GLP1R: variants seen among roughly 807,000 people sequenced by gnomAD.
GLP1R encodes the protein glucagon like peptide 1 receptor.
In GLP1R, 32 loss-of-function variants were observed where a neutral mutation model predicts 68.4. The ratio of observed to expected loss-of-function variants is 0.47; its 90% confidence interval spans 0.35 to 0.63. GLP1R has a LOEUF of 0.63. Among genes scored for constraint, GLP1R ranks in the 20% least tolerant of loss-of-function variants. The pLI is 0.00. For missense variants in GLP1R, 502 were observed against 594.9 expected (o/e 0.84, Z 1.62); for synonymous variants, 263 against 244.4 (o/e 1.08, Z -0.71).
At position 39,089,129 on chromosome 6, in the gene GLP1R, G is replaced by A. The variant is rs10305531; in HGVS notation, c.*3056G>A. ...TTGTAATTTATACTGGTGAGAGGAG[G>A]GGAAGGATGTGCTTTCCTATTTTTA... On this transcript the variant is annotated 3_prime_UTR_variant, in exon 13 of 13. Coordinates refer to ENST00000373256, the MANE Select transcript of GLP1R (RefSeq NM_002062.5). This position sits in a 1 kb window ranked among gnomAD's most constrained non-coding sequence, Gnocchi z 4.1. 0.016 allele frequency among the ~76,000 whole-genome samples: 2,484 copies of A among 152,304 alleles called. 73 individuals carry two copies. The highest frequency in any genetic ancestry group is 0.056 in the African/African-American group (2,338 of 41,558).
rs1460723956 is a variant in GLP1R at position 39,087,128 on chromosome 6, G to C, written c.*1055G>C. 1 of 152,234 alleles carries C rather than the reference G, an allele frequency of 6.6e-6. No homozygotes were observed. The highest frequency in any genetic ancestry group is 2.4e-5 in the African/African-American group (1 of 41,452). 9.4% of individuals were successfully genotyped at this position (152,234 alleles called of 1,614,324 possible). A position where few individuals can be genotyped will look rare whatever the true frequency, so the allele number is the denominator to read the frequency against. ...AGCACCATGGAGGCAGGCTCCCCCT[G>C]CCTTTGAAATTCCCCCACTTGGGAG... On this transcript the variant is annotated 3_prime_UTR_variant, in exon 13 of 13. Transcript: ENST00000373256.
chr6:39,084,125 G>A (rs538752540), intron 12 of GLP1R, among the ~76,000 whole-genome samples: 4 of 152,012 alleles, frequency 2.6e-5, no homozygotes, highest in East Asian at 1.9e-4. Context: ...GTTAGGAGCC[G>A]GGCATTGGAA....
intron 12 of GLP1R, among the ~76,000 whole-genome samples, chr6:39,082,879 A>G (rs898463819): frequency 2.0e-5 from 3 of 150,986 alleles, no homozygotes; most frequent in Admixed American, 1.3e-4. Context: ...TCACTTCTCT[A>G]TCCTCTGACA....
At chr6:39,066,454 A>T (rs1768521355) in intron 5 of GLP1R, 151 bp downstream of exon 5, 2 of 583,164 alleles carry the variant, frequency 3.4e-6, no homozygotes, top group East Asian at 2.9e-5. Flanking sequence ...GTAGAATATG[A>T]GGTTGAAAAC....
Position 39,084,720 on chromosome 6 carries a change from G to A in GLP1R, c.1225-1186G>A, listed in dbSNP as rs879194857. On this transcript the variant is annotated intron_variant, in intron 12 of 12. Transcript: ENST00000373256. Reference sequence around the variant, plus strand: ...TCATGACGCTGCATGGGACACTGGCGTCATCCTGGCAGGCAGCCTCTGGGC... The same window carrying A: ...TCATGACGCTGCATGGGACACTGGCATCATCCTGGCAGGCAGCCTCTGGGC... Among the ~76,000 whole-genome samples, 6 of 152,192 alleles carry A rather than the reference G, an allele frequency of 3.9e-5. 1 individual carries two copies. The highest frequency in any genetic ancestry group is 3.3e-4 in the Admixed American group (5 of 15,274).
chr6:39,065,760 G>T lies in GLP1R; in HGVS notation c.333G>T (p.Leu111=). Residue 111 remains leucine, a synonymous_variant, in exon 4 of 13, where the codon CTG becomes CTT. Coordinates refer to ENST00000373256, the MANE Select transcript of GLP1R (RefSeq NM_002062.5). The stretch of plus-strand genomic sequence containing the variant: ...TCTGCACAGCTGAAGGCCTCTGGCT[G>T]CAGAAGGACAACTCCAGCCTGCCCT... The part of the protein sequence containing the change: ...YRFCTAEGLW[L]QKDNSSLPWR... The T allele has an allele frequency of 6.3e-7, 1 of 1,586,612 alleles. No individual in the cohort carries two copies. The highest frequency in any genetic ancestry group is 8.6e-7 in the Non-Finnish European group (1 of 1,166,220).
rs1405952011 is a variant in GLP1R, at chr6:39,088,371, C to G, written c.*2298C>G. ...AGCTTTCCTAAGCTAAATATGGCTC[C>G]AACAGGTCTGGGAACTATTGAATGC... On this transcript the variant is annotated 3_prime_UTR_variant, in exon 13 of 13. Coordinates refer to ENST00000373256, the MANE Select transcript of GLP1R (RefSeq NM_002062.5). Among the ~76,000 whole-genome samples, 1 of 152,118 alleles carries G rather than the reference C, an allele frequency of 6.6e-6. No homozygotes were observed. Among genetic ancestry groups the G allele is most frequent in the Non-Finnish European group, 1.5e-5 (1 of 68,044 alleles).
In GLP1R at chr6:39,065,053, C is replaced by T. The variant is rs142860724; in HGVS notation, c.284-658C>T. On this transcript the variant is annotated intron_variant, in intron 3 of 12. Coordinates refer to ENST00000373256, the MANE Select transcript of GLP1R (RefSeq NM_002062.5). ...GATCTCCAAAGGCCAAGGCTGCATA[C>T]GACCAAGAGGCCGTGTACTCCTTTT... Among the ~76,000 whole-genome samples the T allele has an allele frequency of 6.6e-3, 1,002 of 152,312 alleles. 5 individuals are homozygous for T. Among genetic ancestry groups the T allele is most frequent in the Non-Finnish European group, 8.1e-3 (550 of 68,032 alleles).
intron 12 of GLP1R, among the ~76,000 whole-genome samples, chr6:39,082,007 C>T (rs185037201): frequency 3.3e-5 from 5 of 152,324 alleles, no homozygotes; most frequent in African/African-American, 1.2e-4. Flanking sequence ...CCATTATCTC[C>T]AGATGCTCAG....
At position 39,073,642 on chromosome 6, in the gene GLP1R, C is replaced by T. The variant is rs200088657; in HGVS notation, c.696C>T (p.Leu232=). 1.5e-5 allele frequency: 24 copies of T among 1,613,844 alleles called. No individual in the cohort carries two copies. The highest frequency in any genetic ancestry group is 2.0e-5 in the Non-Finnish European group (24 of 1,179,884). The stretch of plus-strand genomic sequence containing the variant: ...TGAGCTGCCGCCTGGTGTTTCTGCT[C>T]ATGCAGTACTGTGTGGCGGCCAATT... ...DSLSCRLVFL[L]MQYCVAANYY... is the part of the protein sequence containing the mutation. The change falls in exon 7 of 13, where the codon CTC becomes CTT. Residue 232 remains leucine, a synonymous_variant. Coordinates refer to ENST00000373256, the MANE Select transcript of GLP1R (RefSeq NM_002062.5).
intron 5 of GLP1R, 113 bp downstream of exon 5, chr6:39,066,416 C>A: frequency 1.6e-6 from 1 of 630,994 alleles, no homozygotes; most frequent in South Asian, 1.9e-5. Flanking sequence ...TCGTCCTTCT[C>A]TCAAGAGCTC....
chr6:39,070,722 T>C (rs938095877), intron 5 of GLP1R, among the ~76,000 whole-genome samples: 2 of 152,240 alleles, frequency 1.3e-5, no homozygotes, highest in African/African-American at 4.8e-5. Context: ...TTTTTTTTCA[T>C]GATTTTTTCT....
At chr6:39,062,151 TC>T (rs1768371356) in intron 3 of GLP1R, among the ~76,000 whole-genome samples, 2 of 152,216 alleles carry the variant, frequency 1.3e-5, no homozygotes, top group Admixed American at 6.5e-5. Flanking sequence ...CGCAGCAGCT[TC>T]CGGGAGGGGA....
rs986805135 is a variant in GLP1R, at chr6:39,088,575, C to A, written c.*2502C>A. 1.3e-5 allele frequency among the ~76,000 whole-genome samples: 2 copies of A among 152,210 alleles called. No individual in the cohort carries two copies. The highest frequency in any genetic ancestry group is 2.4e-5 in the African/African-American group (1 of 41,456). ...AAGGTCTGATGTCTGTTGTGAACAG[C>A]AGCTGACTTCAGCACTCTGGCCAGC... On this transcript the variant is annotated 3_prime_UTR_variant, in exon 13 of 13. Coordinates refer to ENST00000373256, the MANE Select transcript of GLP1R (RefSeq NM_002062.5).
In GLP1R at chr6:39,087,486, C is replaced by G. The variant is rs1769179769; in HGVS notation, c.*1413C>G. The G allele has an allele frequency of 6.6e-6, 1 of 152,238 alleles. No homozygotes were observed. The highest frequency in any genetic ancestry group is 1.5e-5 in the Non-Finnish European group (1 of 68,088). 9.4% of individuals were successfully genotyped at this position (152,238 alleles called of 1,614,324 possible). On this transcript the variant is annotated 3_prime_UTR_variant, in exon 13 of 13. Transcript: ENST00000373256. ...CAGACACATGGCTATCCTAGAGAGG[C>G]TGGCAAGGAGTTCGTGGCTGCAAAA...
At chr6:39,066,746 C>A (rs191610616) in intron 5 of GLP1R, among the ~76,000 whole-genome samples, 21 of 152,294 alleles carry the variant, frequency 1.4e-4, no homozygotes, top group Non-Finnish European at 2.5e-4. Context: ...TAGATCTAAC[C>A]TAGATGAGAC....
chr6:39,063,644 G>A (rs1768413282), intron 3 of GLP1R, among the ~76,000 whole-genome samples: 1 of 152,132 alleles, frequency 6.6e-6, no homozygotes, highest in Non-Finnish European at 1.5e-5. Flanking sequence ...GTTTGTTTGG[G>A]AAAGGAGCTG....
intron 3 of GLP1R, among the ~76,000 whole-genome samples, chr6:39,059,993 T>C (rs1583621146): frequency 6.6e-6 from 1 of 152,034 alleles, no homozygotes; most frequent in Non-Finnish European, 1.5e-5. Flanking sequence ...CCCAACCCCG[T>C]CCCCCTGCCA....
intron 1 of GLP1R, among the ~76,000 whole-genome samples, chr6:39,053,038 A>G (rs1652423590): frequency 6.6e-6 from 1 of 152,126 alleles, no homozygotes; most frequent in Admixed American, 6.5e-5. Context: ...TGTCGTCTCC[A>G]CGTGCCTTCA....
Sources: allele counts gnomAD v4.1 joint callset (sites outside exome capture counted in the v4.1 genomes callset), GRCh38; gene constraint gnomAD v4.1.1; non-coding constraint Gnocchi (gnomAD v3.1); transcripts MANE v1.5; gene names NCBI Gene and HGNC (gene_info 2026-07-23, HGNC 2026-07-21).